TMCC1: variants seen among roughly 807,000 people sequenced by gnomAD.
The protein encoded by TMCC1 is transmembrane and coiled-coil domain family 1.
A neutral mutation model predicts 52.4 loss-of-function variants in TMCC1; 15 were observed. The ratio of observed to expected loss-of-function variants is 0.29; its 90% CI spans 0.19 to 0.44. The LOEUF (loss-of-function observed/expected upper bound fraction) is 0.44. Ranked by LOEUF, TMCC1 falls within the 20% of genes least tolerant of loss-of-function variation. The probability of loss-of-function intolerance (pLI) is 1.00; values close to 1 mark genes in which losing one functional copy is unlikely to be tolerated. For synonymous variants in TMCC1, 279 were observed against 301.9 expected, an observed-to-expected ratio of 0.92 and a Z score of 0.79; for missense variants, 503 against 806.0, an observed-to-expected ratio of 0.62 and a Z score of 4.55.
At chr3:129,729,222 T>C (rs1010891280) in intron 4 of TMCC1, among the ~76,000 whole-genome samples, 1 of 152,188 alleles carries the variant, frequency 6.6e-6, no homozygotes, top group Non-Finnish European at 1.5e-5. Flanking sequence ...TGCATCCTTG[T>C]CAGCATTTGC....
chr3:129,864,562 G>C (rs2060537283), intron 2 of TMCC1, among the ~76,000 whole-genome samples: 1 of 152,190 alleles, frequency 6.6e-6, no homozygotes, highest in African/African-American at 2.4e-5. Flanking sequence ...GGCTGAGGCA[G>C]CCAGATCACT....
At chr3:129,805,128 A>G (rs2057390874) in intron 4 of TMCC1, among the ~76,000 whole-genome samples, 1 of 152,112 alleles carries the variant, frequency 6.6e-6, no homozygotes, top group Non-Finnish European at 1.5e-5. Context: ...AAGAAGACTA[A>G]GCCTTAATAT....
intron 4 of TMCC1, among the ~76,000 whole-genome samples, chr3:129,733,449 A>C (rs1357076270): frequency 6.6e-6 from 1 of 152,188 alleles, no homozygotes; most frequent in African/African-American, 2.4e-5. Context: ...TAGCAGTAAA[A>C]ACCATGGAAG....
chr3:129,659,563 G>A (rs1462803816), intron 5 of TMCC1, among the ~76,000 whole-genome samples: 2 of 152,182 alleles, frequency 1.3e-5, no homozygotes, highest in African/African-American at 2.4e-5. Context: ...GGTATGTGAG[G>A]TGGTGAGGAA....
chr3:129,790,739 CT>C (rs2056395319), intron 4 of TMCC1, among the ~76,000 whole-genome samples: 2 of 152,082 alleles, frequency 1.3e-5, no homozygotes, highest in South Asian at 2.1e-4. Context: ...AATTTTTCTC[CT>C]TAATAGAAGT....
intron 4 of TMCC1, among the ~76,000 whole-genome samples, chr3:129,793,330 GCA>G (rs145462180): frequency 6.6e-6 from 1 of 152,210 alleles, no homozygotes; most frequent in East Asian, 1.9e-4. Context: ...CTGCATCAGT[GCA>G]CACACTCTAC....
intron 2 of TMCC1, among the ~76,000 whole-genome samples, chr3:129,863,440 T>C (rs1487365782): frequency 6.6e-6 from 1 of 152,160 alleles, no homozygotes; most frequent in Non-Finnish European, 1.5e-5. Context: ...CTCTGTTCTA[T>C]AATCTAAACT....
chr3:129,768,834 C>A (rs934436718), intron 4 of TMCC1, among the ~76,000 whole-genome samples: 1 of 152,098 alleles, frequency 6.6e-6, no homozygotes, highest in Non-Finnish European at 1.5e-5. Context: ...CTATTTAATC[C>A]TTTTGAAAAC....
intron 4 of TMCC1, among the ~76,000 whole-genome samples, chr3:129,718,700 G>A (rs1032133365): frequency 6.6e-6 from 1 of 152,102 alleles, no homozygotes; most frequent in Non-Finnish European, 1.5e-5. Flanking sequence ...TACTGTAAAT[G>A]TATTTTCTCT....
At chr3:129,670,258 G>A (rs763320616) in intron 5 of TMCC1, 72 bp downstream of exon 5, 30 of 1,477,184 alleles carry the variant, frequency 2.0e-5, no homozygotes, top group Non-Finnish European at 2.6e-5. Context: ...ACTTTTAAAA[G>A]CCATTTCCCC....
In TMCC1 at chr3:129,698,338, G is replaced by A. The variant is rs543988682; in HGVS notation, c.577-27074C>T. On this transcript the variant is annotated intron_variant, in intron 4 of 6. Coordinates refer to ENST00000393238, the MANE Select transcript of TMCC1 (RefSeq NM_001017395.5). Reference sequence around the variant, plus strand: ...GATCTCATGAGAACTCACTATCATGGGAACAGCATGAGGGTAACTCCCTCA... The same window carrying A: ...GATCTCATGAGAACTCACTATCATGAGAACAGCATGAGGGTAACTCCCTCA... 6.6e-5 allele frequency among the ~76,000 whole-genome samples: 10 copies of A among 152,212 alleles called. No homozygotes were observed. The South Asian group carries it at 2.1e-3, about 32-fold the overall frequency.
chr3:129,671,664 C>T (rs1325018403), intron 4 of TMCC1, among the ~76,000 whole-genome samples: 1 of 152,084 alleles, frequency 6.6e-6, no homozygotes, highest in Non-Finnish European at 1.5e-5. Flanking sequence ...TATATGAAAA[C>T]CCTTTTGGTG....
intron 2 of TMCC1, among the ~76,000 whole-genome samples, chr3:129,849,228 C>A (rs2059800098): frequency 6.6e-6 from 1 of 152,054 alleles, no homozygotes; most frequent in Non-Finnish European, 1.5e-5. Flanking sequence ...TTTGGGAGGC[C>A]AAGGTGGGCA....
chr3:129,824,758 T>TTC (rs1422725901), intron 4 of TMCC1, among the ~76,000 whole-genome samples: 1 of 152,312 alleles, frequency 6.6e-6, no homozygotes, highest in African/African-American at 2.4e-5. Context: ...CTATAAGACA[T>TTC]TCTCTTCATA....
intron 4 of TMCC1, among the ~76,000 whole-genome samples, chr3:129,748,056 A>G (rs565437048): frequency 1.2e-3 from 183 of 152,226 alleles, no homozygotes; most frequent in Non-Finnish European, 2.2e-3. Context: ...GAAAACATGG[A>G]CTTAATCAGC....
chr3:129,886,094 T>C (rs1483588665), intron 1 of TMCC1, among the ~76,000 whole-genome samples: 1 of 152,174 alleles, frequency 6.6e-6, no homozygotes, highest in Non-Finnish European at 1.5e-5. Context: ...TTGAGACCAC[T>C]AGCAGACCTC....
chr3:129,750,847 T>C (rs1179826558), intron 4 of TMCC1, among the ~76,000 whole-genome samples: 3 of 150,262 alleles, frequency 2.0e-5, no homozygotes, highest in African/African-American at 7.3e-5. Flanking sequence ...AGTGCTGGGA[T>C]TACAGGTGTG....
intron 4 of TMCC1, among the ~76,000 whole-genome samples, chr3:129,768,339 A>G (rs183516689): frequency 5.3e-4 from 81 of 152,294 alleles, no homozygotes; most frequent in Non-Finnish European, 1.0e-3. Flanking sequence ...AATCCAAACA[A>G]CTTCTGAAAA....
chr3:129,730,720 T>C (rs903135145), intron 4 of TMCC1, among the ~76,000 whole-genome samples: 31 of 152,222 alleles, frequency 2.0e-4, no homozygotes, highest in Non-Finnish European at 2.9e-4. Context: ...ATTGGAATTG[T>C]GTTAAAAGGA....
Sources: allele counts gnomAD v4.1 joint callset (sites outside exome capture counted in the v4.1 genomes callset), GRCh38; gene constraint gnomAD v4.1.1; transcripts MANE v1.5; gene names NCBI Gene and HGNC (gene_info 2026-07-23, HGNC 2026-07-21).